Variants in DOCK3 observed in about 807,000 individuals in gnomAD.
DOCK3 encodes dedicator of cytokinesis protein 3.
A neutral mutation model predicts 265.6 loss-of-function variants in DOCK3; 60 were observed. The observed-to-expected ratio is 0.23, with a 90% CI of 0.18 to 0.28. The LOEUF is 0.28. Among genes scored for constraint, DOCK3 ranks in the 10% least tolerant of loss-of-function variants. DOCK3 has a pLI of 1.00. For missense variants in DOCK3, 1,981 were observed against 2,594.3 expected (o/e 0.76, Z 5.14); for synonymous variants, 881 against 938.0 (o/e 0.94, Z 1.11).
At chr3:50,935,187 A>C (rs557327635) in intron 5 of DOCK3, among the ~76,000 whole-genome samples, 1 of 152,338 alleles carries the variant, frequency 6.6e-6, no homozygotes, top group East Asian at 1.9e-4. Context: ...GGATAGCCCC[A>C]AAAGACAGAA....
At chr3:50,941,261 A>T (rs1372768223) in intron 5 of DOCK3, among the ~76,000 whole-genome samples, 1 of 152,168 alleles carries the variant, frequency 6.6e-6, no homozygotes, top group Non-Finnish European at 1.5e-5. Flanking sequence ...TGGGCAAAAT[A>T]CTTGAATAGG....
chr3:50,941,980 G>T (rs894775199), intron 5 of DOCK3, among the ~76,000 whole-genome samples: 1 of 152,018 alleles, frequency 6.6e-6, no homozygotes, highest in Admixed American at 6.6e-5. Context: ...TGATTGTGGT[G>T]ATAGCTATTT....
chr3:51,337,537 G>C (rs1560460895), intron 35 of DOCK3, among the ~76,000 whole-genome samples: 1 of 152,194 alleles, frequency 6.6e-6, no homozygotes, highest in Non-Finnish European at 1.5e-5. Flanking sequence ...CTCCATAGCA[G>C]TGTGGGCTGC....
chr3:51,363,933 G>A (rs2086933350), intron 49 of DOCK3, among the ~76,000 whole-genome samples: 1 of 152,188 alleles, frequency 6.6e-6, no homozygotes, highest in Non-Finnish European at 1.5e-5. Flanking sequence ...TGTGAATAGT[G>A]CCGCAGTAAA....
At position 51,047,189 on chromosome 3, in the gene DOCK3, C is replaced by T. The variant is rs543259625; in HGVS notation, c.316-17259C>T. Among the ~76,000 whole-genome samples the T allele has an allele frequency of 9.5e-4, 130 of 136,552 alleles. 1 individual carries two copies. Among genetic ancestry groups the T allele is most frequent in the Admixed American group, 4.9e-3 (57 of 11,674 alleles). 89.6% of individuals were successfully genotyped at this position (136,552 alleles called of 152,430 possible). A position where few individuals can be genotyped will look rare whatever the true frequency, so the allele number is the denominator to read the frequency against. ...GGAAAAATAAAAATGAGAGCAGAGA[C>T]ATAGGTGGGAATTGAACAATGAGAA... On this transcript the variant is annotated intron_variant, in intron 5 of 52. Coordinates refer to ENST00000266037, the MANE Select transcript of DOCK3 (RefSeq NM_004947.5).
chr3:51,021,971 A>G (rs997799488), intron 5 of DOCK3, among the ~76,000 whole-genome samples: 3 of 152,046 alleles, frequency 2.0e-5, no homozygotes, highest in Admixed American at 2.0e-4. Flanking sequence ...GAGAATTTAC[A>G]TTTTTTAACA....
At chr3:50,929,078 A>C (rs1019017133) in intron 4 of DOCK3, among the ~76,000 whole-genome samples, 1 of 152,202 alleles carries the variant, frequency 6.6e-6, no homozygotes, top group Non-Finnish European at 1.5e-5. Flanking sequence ...TTCAACTTAC[A>C]GTGGGTTTAT....
At chr3:50,800,554 T>G (rs1417424902) in intron 2 of DOCK3, among the ~76,000 whole-genome samples, 1 of 152,116 alleles carries the variant, frequency 6.6e-6, no homozygotes, top group African/African-American at 2.4e-5. Flanking sequence ...CTGATTTTAT[T>G]TGGATCTTCT....
intron 5 of DOCK3, among the ~76,000 whole-genome samples, chr3:50,987,180 T>C (rs1356209447): frequency 6.6e-6 from 1 of 152,230 alleles, no homozygotes; most frequent in Non-Finnish European, 1.5e-5. Flanking sequence ...TTTTTTGCCA[T>C]GGAATACACA....
chr3:51,159,372 T>C, intron 11 of DOCK3, 68 bp downstream of exon 11: 1 of 1,455,576 alleles, frequency 6.9e-7, no homozygotes, highest in Non-Finnish European at 9.6e-7. Context: ...GTCTTGTGCA[T>C]GAGCTTTGTT....
intron 3 of DOCK3, among the ~76,000 whole-genome samples, chr3:50,874,066 G>GTTTTTTTTTTTTTTTTTTT (rs3043436): frequency 3.8e-5 from 4 of 106,226 alleles, no homozygotes; most frequent in African/African-American, 6.4e-5. Flanking sequence ...CTTTTCTTTT[G>GTTTTTTTTTTTTTTTTTTT]TTTTTTTTTT....
At chr3:51,128,108 T>G (rs2084348068) in intron 9 of DOCK3, among the ~76,000 whole-genome samples, 1 of 152,196 alleles carries the variant, frequency 6.6e-6, no homozygotes, top group African/African-American at 2.4e-5. Flanking sequence ...TCATTGTGTC[T>G]TTTGATAGCA....
chr3:51,293,464 A>G (rs545673651), intron 27 of DOCK3, among the ~76,000 whole-genome samples: 50 of 152,214 alleles, frequency 3.3e-4, no homozygotes, highest in Non-Finnish European at 4.7e-4. Flanking sequence ...TCACCCCCCT[A>G]TAGAAGAATC....
intron 23 of DOCK3, among the ~76,000 whole-genome samples, chr3:51,268,767 T>C (rs1185816293): frequency 6.6e-6 from 1 of 151,874 alleles, no homozygotes; most frequent in Non-Finnish European, 1.5e-5. Flanking sequence ...TATAAGGGAG[T>C]CTATAAGGAA....
At chr3:51,354,771 C>G in intron 40 of DOCK3, 111 bp from the exon 41 acceptor site, 1 of 1,490,918 alleles carries the variant, frequency 6.7e-7, no homozygotes, top group Non-Finnish European at 9.0e-7. Flanking sequence ...GGGCCTGATA[C>G]AGAGAAGGCT....
intron 14 of DOCK3, among the ~76,000 whole-genome samples, chr3:51,221,365 T>C (rs1271628266): frequency 6.6e-6 from 1 of 152,222 alleles, no homozygotes; most frequent in African/African-American, 2.4e-5. Flanking sequence ...ATCAGTAAAC[T>C]ATAGCCTATG....
chr3:51,376,772 C>T (rs999031703), intron 51 of DOCK3, among the ~76,000 whole-genome samples: 2 of 152,238 alleles, frequency 1.3e-5, no homozygotes, highest in African/African-American at 2.4e-5. Context: ...GCTGTCCCCA[C>T]TGTTATGCTC....
chr3:51,200,304 T>G (rs1298270307), intron 12 of DOCK3, among the ~76,000 whole-genome samples: 1 of 151,592 alleles, frequency 6.6e-6, no homozygotes, highest in Non-Finnish European at 1.5e-5. Context: ...GACGAATGTA[T>G]AACTACAATA....
At chr3:50,828,696 C>T (rs924345258) in intron 2 of DOCK3, among the ~76,000 whole-genome samples, 3 of 151,936 alleles carry the variant, frequency 2.0e-5, no homozygotes, top group African/African-American at 4.8e-5. Context: ...TGAGCCATGG[C>T]GCCCAACCTT....
Sources: allele counts gnomAD v4.1 joint callset (sites outside exome capture counted in the v4.1 genomes callset), GRCh38; gene constraint gnomAD v4.1.1; transcripts MANE v1.5; gene names NCBI Gene and HGNC (gene_info 2026-07-23, HGNC 2026-07-21).